The following PTPRD variants were observed in gnomAD, a reference collection of about 807,000 sequenced individuals.
The protein encoded by PTPRD is receptor-type tyrosine-protein phosphatase delta.
PTPRD carries 34 observed loss-of-function variants against 214.5 expected under a neutral mutation model. The observed-to-expected ratio is 0.16, with a 90% CI of 0.12 to 0.21. The LOEUF is 0.21. Among genes scored for constraint, PTPRD ranks in the 10% least tolerant of loss-of-function variants. PTPRD has a pLI of 1.00. For synonymous variants in PTPRD, 1,128 were observed against 845.7 expected, an observed-to-expected ratio of 1.33 and a Z score of -5.79; for missense variants, 2,545 against 2,398.7, an observed-to-expected ratio of 1.06 and a Z score of -1.27.
In PTPRD at chr9:9,072,510, C is replaced by T. The variant is rs189455163; in HGVS notation, c.-142-53775G>A. ...CTTACTATCTTTCAAGATTAAGATG[C>T]TTTTATGAAGGAGTGAACTAGAAAT... On this transcript the variant is annotated intron_variant, in intron 10 of 45. Transcript: ENST00000381196. 2.6e-3 allele frequency among the ~76,000 whole-genome samples: 400 copies of T among 152,234 alleles called. 1 individual carries two copies. The highest frequency in any genetic ancestry group is 8.6e-3 in the African/African-American group (357 of 41,536).
At chr9:9,190,854 A>C (rs1274479842) in intron 9 of PTPRD, among the ~76,000 whole-genome samples, 1 of 152,126 alleles carries the variant, frequency 6.6e-6, no homozygotes, top group Non-Finnish European at 1.5e-5. Flanking sequence ...AACCCAGTGC[A>C]TCCTGACTAA....
chr9:10,504,936 A>T (rs1196060100), intron 2 of PTPRD, among the ~76,000 whole-genome samples: 1 of 152,142 alleles, frequency 6.6e-6, no homozygotes, highest in African/African-American at 2.4e-5. Flanking sequence ...TATAAAGCTG[A>T]CTTGTAACAC....
intron 8 of PTPRD, among the ~76,000 whole-genome samples, chr9:9,409,321 G>C (rs2074595329): frequency 6.6e-6 from 1 of 151,818 alleles, no homozygotes; most frequent in Non-Finnish European, 1.5e-5. Flanking sequence ...TATTACATTG[G>C]AATTAGGTAA....
Position 10,261,661 on chromosome 9 carries a change from G to C in PTPRD, c.-545+79302C>G, listed in dbSNP as rs140785805. On this transcript the variant is annotated intron_variant, in intron 3 of 45. Transcript: ENST00000381196. ...AAACAATGATGCAGTATAATTTCTA[G>C]TGTTTAAAAATCCAAATCAGTTAAT... is the stretch of plus-strand genomic sequence containing the variant. Among the ~76,000 whole-genome samples, 160 of 152,168 alleles carry C rather than the reference G, an allele frequency of 1.1e-3. 1 individual carries two copies. Among genetic ancestry groups the C allele is most frequent in the African/African-American group, 3.8e-3 (157 of 41,534 alleles).
At chr9:9,105,091 T>C (rs2099796636) in intron 10 of PTPRD, among the ~76,000 whole-genome samples, 1 of 152,226 alleles carries the variant, frequency 6.6e-6, no homozygotes, top group East Asian at 1.9e-4. Flanking sequence ...TGTAGCAATT[T>C]TCTGCATCTT....
Position 9,372,609 on chromosome 9 carries a change from T to A in PTPRD, c.-203+24840A>T, listed in dbSNP as rs961506674. ...CTTTTAATTGGAGGATTTAGCCCAT[T>A]TACGTTTAAGGTTAATATTGTTATG... On this transcript the variant is annotated intron_variant, in intron 9 of 45. Transcript: ENST00000381196. Among the ~76,000 whole-genome samples the A allele has an allele frequency of 5.9e-5, 9 of 152,154 alleles. No homozygotes were observed. In the South Asian group the frequency reaches 1.0e-3, roughly 17 times the overall value.
At chr9:10,153,612 G>A (rs1054228655) in intron 3 of PTPRD, among the ~76,000 whole-genome samples, 5 of 151,958 alleles carry the variant, frequency 3.3e-5, no homozygotes, top group African/African-American at 1.2e-4. Flanking sequence ...TGTCACTGAG[G>A]TTTCTTGTAC....
chr9:9,745,836 C>T (rs148060881), intron 6 of PTPRD, among the ~76,000 whole-genome samples: 23 of 152,182 alleles, frequency 1.5e-4, no homozygotes, highest in African/African-American at 5.5e-4. Flanking sequence ...AGTAAGGTAG[C>T]TAAATGCTAG....
chr9:9,490,410 A>G (rs187017036), intron 8 of PTPRD, among the ~76,000 whole-genome samples: 7 of 152,246 alleles, frequency 4.6e-5, no homozygotes, highest in African/African-American at 1.4e-4. Flanking sequence ...CTTTCCACAC[A>G]ATTTAATGAA....
chr9:8,820,353 A>G (rs566148139), intron 11 of PTPRD, among the ~76,000 whole-genome samples: 132 of 152,248 alleles, frequency 8.7e-4, no homozygotes, highest in Non-Finnish European at 1.6e-3. Context: ...TTTTCAACCT[A>G]AATTTAATAT....
chr9:9,615,255 G>A (rs142130000), intron 7 of PTPRD, among the ~76,000 whole-genome samples: 18 of 152,226 alleles, frequency 1.2e-4, no homozygotes, highest in African/African-American at 4.3e-4. Context: ...CCTGCCAGGT[G>A]CAGGCTCTGA....
At chr9:10,170,266 C>G (rs1311649218) in intron 3 of PTPRD, among the ~76,000 whole-genome samples, 1 of 152,108 alleles carries the variant, frequency 6.6e-6, no homozygotes, top group Non-Finnish European at 1.5e-5. Flanking sequence ...TCATTCTTCT[C>G]AAAGTGGCCA....
chr9:9,844,302 TC>T (rs1398684817), intron 5 of PTPRD, among the ~76,000 whole-genome samples: 2 of 151,920 alleles, frequency 1.3e-5, no homozygotes, highest in Non-Finnish European at 2.9e-5. Context: ...GTACATTAGA[TC>T]ATAATGCCAC....
chr9:8,580,049 T>C (rs892853372), intron 14 of PTPRD, among the ~76,000 whole-genome samples: 6 of 152,152 alleles, frequency 3.9e-5, no homozygotes, highest in African/African-American at 1.2e-4. Context: ...CCACAAATTA[T>C]TGACCAAAAA....
intron 34 of PTPRD, among the ~76,000 whole-genome samples, 191 bp downstream of exon 34, chr9:8,449,534 T>C (rs2095856527): frequency 1.3e-5 from 2 of 152,226 alleles, no homozygotes; most frequent in Non-Finnish European, 2.9e-5. Context: ...CCCTACCCAA[T>C]TTCCGGTTTG....
chr9:8,846,489 T>C (rs1162376172), intron 11 of PTPRD, among the ~76,000 whole-genome samples: 4 of 152,168 alleles, frequency 2.6e-5, no homozygotes, highest in African/African-American at 4.8e-5. Context: ...GTAGAATTTA[T>C]TCGGTATTCT....
intron 2 of PTPRD, among the ~76,000 whole-genome samples, chr9:10,494,776 A>C (rs572710340): frequency 6.6e-6 from 1 of 151,584 alleles, no homozygotes; most frequent in East Asian, 1.9e-4. Context: ...TAATCATAGT[A>C]TATTTAATGT....
intron 3 of PTPRD, among the ~76,000 whole-genome samples, chr9:10,088,929 C>T (rs2098394501): frequency 6.6e-6 from 1 of 151,518 alleles, no homozygotes; most frequent in Non-Finnish European, 1.5e-5. Context: ...GAATATACTA[C>T]TAACAATAGA....
chr9:10,527,956 T>C, intron 2 of PTPRD, among the ~76,000 whole-genome samples: 1 of 152,248 alleles, frequency 6.6e-6, no homozygotes, highest in Middle Eastern at 3.4e-3. Context: ...TTCTAAATAA[T>C]CCATAGTAAA....
Sources: gnomAD v4.1 joint callset for allele counts (sites outside exome capture counted in the v4.1 genomes callset) on GRCh38, gnomAD v4.1.1 for gene constraint, MANE v1.5 for transcripts, NCBI Gene and HGNC (gene_info 2026-07-23, HGNC 2026-07-21) for gene names.